Variants in MDFIC2 observed in about 807,000 individuals in gnomAD.
The protein encoded by MDFIC2 is MyoD family inhibitor domain containing 2, also known as myoD family inhibitor domain-containing protein 2.
intron 2 of MDFIC2, among the ~76,000 whole-genome samples, chr3:70,244,472 G>A (rs1188157176): frequency 6.6e-6 from 1 of 152,150 alleles, no homozygotes; most frequent in Non-Finnish European, 1.5e-5. Flanking sequence ...TGCATCTGAT[G>A]ATAATATCAA....
intron 2 of MDFIC2, among the ~76,000 whole-genome samples, chr3:70,227,506 C>T (rs1701519096): frequency 6.6e-6 from 1 of 152,156 alleles, no homozygotes; most frequent in East Asian, 1.9e-4. Flanking sequence ...AGAACAATTT[C>T]GATAGAGGGA....
chr3:70,287,239 C>T (rs982914790), intron 2 of MDFIC2, among the ~76,000 whole-genome samples: 1 of 138,930 alleles, frequency 7.2e-6, no homozygotes, highest in Non-Finnish European at 1.6e-5. Context: ...CCCATCAATA[C>T]CTAATTTATT....
chr3:70,285,466 A>G (rs1372840811), intron 2 of MDFIC2, among the ~76,000 whole-genome samples: 1 of 152,034 alleles, frequency 6.6e-6, no homozygotes, highest in Non-Finnish European at 1.5e-5. Flanking sequence ...ATTGTTGGAC[A>G]TTTGGGTTGG....
At chr3:70,200,846 G>T (rs563820019) in intron 3 of MDFIC2, among the ~76,000 whole-genome samples, 1 of 151,712 alleles carries the variant, frequency 6.6e-6, no homozygotes, top group Non-Finnish European at 1.5e-5. Context: ...CTGTAAGATC[G>T]TAGAGCAGAG....
intron 3 of MDFIC2, among the ~76,000 whole-genome samples, chr3:70,203,431 T>G (rs900703751): frequency 6.6e-6 from 1 of 152,118 alleles, no homozygotes; most frequent in Non-Finnish European, 1.5e-5. Flanking sequence ...ATCCCTGATG[T>G]TATCAATTTT....
chr3:70,281,145 G>A (rs1170340087), intron 2 of MDFIC2, among the ~76,000 whole-genome samples: 1 of 152,134 alleles, frequency 6.6e-6, no homozygotes, highest in Non-Finnish European at 1.5e-5. Context: ...AGAGGGTAAA[G>A]AGGAAATTTT....
intron 2 of MDFIC2, among the ~76,000 whole-genome samples, chr3:70,277,462 C>T (rs915889249): frequency 2.0e-5 from 3 of 152,100 alleles, no homozygotes; most frequent in South Asian, 2.1e-4. Flanking sequence ...ACTATAATGA[C>T]GGCTCTTGAT....
At chr3:70,226,671 G>C (rs1405222748) in intron 2 of MDFIC2, among the ~76,000 whole-genome samples, 1 of 151,138 alleles carries the variant, frequency 6.6e-6, no homozygotes, top group East Asian at 1.9e-4. Flanking sequence ...CTGGGAAGCG[G>C]AGGTTGCAGT....
chr3:70,286,388 T>C (rs1225807795), intron 2 of MDFIC2, among the ~76,000 whole-genome samples: 1 of 152,088 alleles, frequency 6.6e-6, no homozygotes, highest in African/African-American at 2.4e-5. Flanking sequence ...GCATTATTTC[T>C]GAGGGCTCTG....
intron 2 of MDFIC2, among the ~76,000 whole-genome samples, chr3:70,299,152 G>A (rs1470757942): frequency 6.6e-6 from 1 of 152,060 alleles, no homozygotes; most frequent in Non-Finnish European, 1.5e-5. Flanking sequence ...TAGGTAATTG[G>A]TTACATATAT....
intron 2 of MDFIC2, among the ~76,000 whole-genome samples, chr3:70,248,215 A>G (rs116600992): frequency 0.045 from 6,793 of 152,168 alleles, 221 homozygotes; most frequent in Middle Eastern, 0.088. Flanking sequence ...CATTGTAGTT[A>G]TGTGCTATAA....
At chr3:70,223,715 C>G (rs1701479618) in intron 2 of MDFIC2, among the ~76,000 whole-genome samples, 1 of 152,114 alleles carries the variant, frequency 6.6e-6, no homozygotes. Flanking sequence ...TAAGAGCATC[C>G]TAGAACAGGA....
intron 2 of MDFIC2, among the ~76,000 whole-genome samples, chr3:70,249,358 G>T (rs1701738239): frequency 6.6e-6 from 1 of 152,084 alleles, no homozygotes; most frequent in African/African-American, 2.4e-5. Flanking sequence ...GTCTAAGGGG[G>T]GGATCTATCA....
rs76537842 is a variant in MDFIC2, at chr3:70,209,680, A to C, written c.89-2890T>G. On this transcript the variant is annotated intron_variant, in intron 2 of 3. Coordinates refer to ENST00000567252, the MANE Select transcript of MDFIC2 (RefSeq NM_001364677.1). Reference sequence around the variant, plus strand: ...CTTTGTGCTTGTCCTTTTCCCTTTTATATTATGCAATGTTTTCTCTGATTT... The same window carrying C: ...CTTTGTGCTTGTCCTTTTCCCTTTTCTATTATGCAATGTTTTCTCTGATTT... Among the ~76,000 whole-genome samples the C allele has an allele frequency of 8.6e-3, 1,306 of 152,110 alleles. 21 individuals carry two copies. The highest frequency in any genetic ancestry group is 0.03 in the African/African-American group (1,231 of 41,512).
chr3:70,241,950 T>C (rs754986325), intron 2 of MDFIC2, among the ~76,000 whole-genome samples: 5 of 152,150 alleles, frequency 3.3e-5, no homozygotes, highest in Admixed American at 6.5e-5. Flanking sequence ...TATAATAACA[T>C]TTGTTTAGGC....
At chr3:70,258,119 A>G (rs943215318) in intron 2 of MDFIC2, among the ~76,000 whole-genome samples, 9 of 152,318 alleles carry the variant, frequency 5.9e-5, no homozygotes, top group African/African-American at 2.2e-4. Flanking sequence ...ATTTCACATC[A>G]TAGACAAAAA....
intron 2 of MDFIC2, among the ~76,000 whole-genome samples, chr3:70,276,971 T>A (rs2106677459): frequency 6.6e-6 from 1 of 152,290 alleles, no homozygotes; most frequent in Non-Finnish European, 1.5e-5. Flanking sequence ...TCACTGGATT[T>A]TTTTTTTTAT....
chr3:70,251,863 A>G (rs1159818803), intron 2 of MDFIC2, among the ~76,000 whole-genome samples: 1 of 152,196 alleles, frequency 6.6e-6, no homozygotes, highest in Non-Finnish European at 1.5e-5. Flanking sequence ...AGCAAGAAAG[A>G]AATAAATGCT....
chr3:70,198,185 A>G (rs1315606364), intron 3 of MDFIC2, among the ~76,000 whole-genome samples: 1 of 152,174 alleles, frequency 6.6e-6, no homozygotes, highest in Non-Finnish European at 1.5e-5. Context: ...TTGATGATTG[A>G]AAGTAACATT....
Sources: allele counts gnomAD v4.1 joint callset (sites outside exome capture counted in the v4.1 genomes callset), GRCh38; gene constraint gnomAD v4.1.1; transcripts MANE v1.5; gene names NCBI Gene and HGNC (gene_info 2026-07-23, HGNC 2026-07-21).